The following ULK2 variants were observed in gnomAD, a reference collection of about 807,000 sequenced individuals.
ULK2 encodes the protein serine/threonine-protein kinase ULK2.
Under a neutral mutation model 127.5 loss-of-function variants are expected in ULK2, and 76 were observed. That is an observed-to-expected ratio of 0.60 (90% confidence interval 0.50 to 0.72). ULK2 has a LOEUF of 0.72. Among genes scored for constraint, ULK2 ranks in the 30% least tolerant of loss-of-function variants. ULK2 has a pLI of 0.00. For missense variants in ULK2, 1,144 were observed against 1,295.9 expected, an observed-to-expected ratio of 0.88 and a Z score of 1.80; for synonymous variants, 452 against 461.9, an observed-to-expected ratio of 0.98 and a Z score of 0.28.
At chr17:19,821,127 C>A (rs193069270) in intron 12 of ULK2, among the ~76,000 whole-genome samples, 2 of 152,164 alleles carry the variant, frequency 1.3e-5, no homozygotes, top group Admixed American at 1.3e-4. Flanking sequence ...GCCAACATGG[C>A]GAAACCCCAT....
intron 18 of ULK2, 56 bp from the exon 19 acceptor site, chr17:19,796,338 T>C: frequency 6.2e-6 from 9 of 1,461,148 alleles, no homozygotes; most frequent in Non-Finnish European, 8.2e-6. Flanking sequence ...ATGCATGAAC[T>C]ATTCAGTACT....
At chr17:19,821,060 A>G (rs1438814970) in intron 12 of ULK2, among the ~76,000 whole-genome samples, 1 of 152,234 alleles carries the variant, frequency 6.6e-6, no homozygotes, top group Non-Finnish European at 1.5e-5. Flanking sequence ...TAATCCTAGC[A>G]CTTTGGGAGG....
At chr17:19,838,989 C>T (rs1158986478) in intron 9 of ULK2, among the ~76,000 whole-genome samples, 3 of 151,296 alleles carry the variant, frequency 2.0e-5, no homozygotes, top group Non-Finnish European at 4.4e-5. Context: ...CGAGATCATG[C>T]CACTGCACTC....
chr17:19,795,998 C>T lies in ULK2; in HGVS notation c.1997+97G>A, dbSNP rs183260664. 2.8e-5 allele frequency: 41 copies of T among 1,484,020 alleles called. 1 individual carries two copies. Among genetic ancestry groups the T allele is most frequent in the South Asian group, 2.3e-4 (17 of 73,996 alleles). The allele number at this position is 1,484,020 out of a possible 1,614,324, so 91.9% of individuals were successfully genotyped here. A position where few individuals can be genotyped will look rare whatever the true frequency, so the allele number is the denominator to read the frequency against. Reference sequence around the variant, plus strand: ...CAATAACCATATGGCATAAATCACCCGCTACACTAATGTAGTCTTGCTGCT... The same window carrying T: ...CAATAACCATATGGCATAAATCACCTGCTACACTAATGTAGTCTTGCTGCT... On this transcript the variant is annotated intron_variant, in intron 19 of 26. Transcript: ENST00000395544.
chr17:19,863,910 T>G (rs964046246), intron 3 of ULK2, among the ~76,000 whole-genome samples: 3 of 152,210 alleles, frequency 2.0e-5, no homozygotes, highest in Non-Finnish European at 4.4e-5. Context: ...CTATAACCTA[T>G]AATCATAGAT....
At chr17:19,798,481 T>A (rs1298513848) in intron 17 of ULK2, among the ~76,000 whole-genome samples, 2 of 152,212 alleles carry the variant, frequency 1.3e-5, no homozygotes, top group Non-Finnish European at 2.9e-5. Flanking sequence ...CTAGCAAGAA[T>A]AATATAAAGG....
intron 17 of ULK2, 150 bp downstream of exon 17, chr17:19,799,345 T>C (rs2087343893): frequency 1.8e-6 from 1 of 571,178 alleles, no homozygotes; most frequent in Non-Finnish European, 2.8e-6. Flanking sequence ...TTATGACATA[T>C]TAAACCACAT....
chr17:19,786,187 T>TG, intron 20 of ULK2, 101 bp from the exon 21 acceptor site: 18 of 1,165,058 alleles, frequency 1.5e-5, no homozygotes, highest in Non-Finnish European at 2.0e-5. Context: ...AGGAGTCTAG[T>TG]GGTTTTTTTT....
chr17:19,776,486 A>T, intron 26 of ULK2, 79 bp from the exon 27 acceptor site: 2 of 1,259,252 alleles, frequency 1.6e-6, no homozygotes, highest in Non-Finnish European at 2.2e-6. Context: ...TTTGCCCCAA[A>T]GTTAACAGTT....
In ULK2 at chr17:19,846,877, ACT is replaced by A; in HGVS notation, c.327_328del (p.Arg109SerfsTer58). On this transcript the variant is annotated frameshift_variant, in exon 6 of 27. Coordinates refer to ENST00000395544, the MANE Select transcript of ULK2 (RefSeq NM_014683.4). LOFTEE classifies it high-confidence loss of function. ...GGCAGCAGCAATCTGATGCAGAAAC[ACT>A]CTGATCGTGTCTTCACTGAGAGTCC... The A allele has an allele frequency of 1.2e-6, 2 of 1,613,122 alleles. No homozygotes were observed. The highest frequency in any genetic ancestry group is 1.7e-6 in the Non-Finnish European group (2 of 1,179,644).
intron 13 of ULK2, among the ~76,000 whole-genome samples, chr17:19,815,100 T>C (rs1389353117): frequency 6.6e-6 from 1 of 152,166 alleles, no homozygotes; most frequent in Non-Finnish European, 1.5e-5. Context: ...TTTTCTAATT[T>C]GGCAGGCTCA....
rs2086733091 is a variant in ULK2 at position 19,771,202 on chromosome 17, C to T, written c.*5147G>A. 6.6e-6 allele frequency: 1 copy of T among 152,212 alleles called. No individual in the cohort carries two copies. Among genetic ancestry groups the T allele is most frequent in the Non-Finnish European group, 1.5e-5 (1 of 68,054 alleles). The allele number at this position is 152,212 out of a possible 1,614,324, so 9.4% of individuals were successfully genotyped here. Reference sequence around the variant, plus strand: ...GTGGCCTCCTGCTCCCACCGCTTTCCAGCTGTGGGGCTTTTCCTTGTGGAA... The same window carrying T: ...GTGGCCTCCTGCTCCCACCGCTTTCTAGCTGTGGGGCTTTTCCTTGTGGAA... On this transcript the variant is annotated 3_prime_UTR_variant, in exon 27 of 27. Coordinates refer to ENST00000395544, the MANE Select transcript of ULK2 (RefSeq NM_014683.4).
chr17:19,851,898 T>C (rs1160368613), intron 3 of ULK2, among the ~76,000 whole-genome samples: 1 of 151,170 alleles, frequency 6.6e-6, no homozygotes, highest in East Asian at 2.0e-4. Context: ...ATACAAAAAT[T>C]AGCTGGGCAT....
At chr17:19,815,713 A>G (rs1204849318) in intron 13 of ULK2, among the ~76,000 whole-genome samples, 1 of 152,234 alleles carries the variant, frequency 6.6e-6, no homozygotes, top group Non-Finnish European at 1.5e-5. Context: ...ATGTTTCATG[A>G]TTTTAAAAGT....
chr17:19,828,583 T>C (rs770144422), intron 10 of ULK2, among the ~76,000 whole-genome samples: 15 of 152,008 alleles, frequency 9.9e-5, no homozygotes, highest in Non-Finnish European at 1.6e-4. Flanking sequence ...AGGAAAAATA[T>C]ACACAGAAGG....
At chr17:19,812,864 T>G (rs921166369) in intron 13 of ULK2, among the ~76,000 whole-genome samples, 2 of 152,166 alleles carry the variant, frequency 1.3e-5, no homozygotes, top group Non-Finnish European at 2.9e-5. Context: ...AGTTAGAATT[T>G]TATATCCTTT....
At chr17:19,859,781 GCCTT>G (rs987536783) in intron 3 of ULK2, among the ~76,000 whole-genome samples, 1 of 152,182 alleles carries the variant, frequency 6.6e-6, no homozygotes, top group Admixed American at 6.6e-5. Context: ...CTGGGCTCAA[GCCTT>G]CCTTCCATTT....
intron 20 of ULK2, among the ~76,000 whole-genome samples, chr17:19,792,647 G>A (rs2087179617): frequency 6.6e-6 from 1 of 152,120 alleles, no homozygotes; most frequent in South Asian, 2.1e-4. Flanking sequence ...AACCCGGCCA[G>A]TCTCTCAGAG....
chr17:19,777,750 A>G lies in ULK2; in HGVS notation c.2917-34T>C, dbSNP rs1032285801. On this transcript the variant is annotated intron_variant, in intron 25 of 26. Transcript: ENST00000395544. ...AGTCAACAAAAACACAATTCTCTCAATTTTTCCAAGAAAATACAAATCCAT... is the reference window on the plus strand; with the variant it reads ...AGTCAACAAAAACACAATTCTCTCAGTTTTTCCAAGAAAATACAAATCCAT... 4 of 1,575,080 alleles carry G rather than the reference A, an allele frequency of 2.5e-6. No homozygotes were observed. In the African/African-American group the frequency reaches 4.1e-5, roughly 16 times the overall value.
Sources: gnomAD v4.1 joint callset for allele counts (sites outside exome capture counted in the v4.1 genomes callset) on GRCh38, gnomAD v4.1.1 for gene constraint, MANE v1.5 for transcripts, NCBI Gene and HGNC (gene_info 2026-07-23, HGNC 2026-07-21) for gene names.